Variants in DIP2A observed in about 807,000 individuals in gnomAD.
DIP2A encodes DIP2 acetate--CoA ligase A.
Under a neutral mutation model 177.4 loss-of-function variants are expected in DIP2A, and 85 were observed. The ratio of observed to expected loss-of-function variants is 0.48; its 90% CI spans 0.40 to 0.57. The LOEUF is 0.57. DIP2A is among the 20% of genes least tolerant of loss of function. The probability of loss-of-function intolerance (pLI) is 0.00; values close to 1 mark genes in which losing one functional copy is unlikely to be tolerated. For missense variants in DIP2A, 1,791 were observed against 2,100.2 expected (o/e 0.85, Z 2.88); for synonymous variants, 886 against 881.8 (o/e 1.00, Z -0.08).
At chr21:46,515,682 A>G (rs1388796274) in intron 8 of DIP2A, among the ~76,000 whole-genome samples, 1 of 151,942 alleles carries the variant, frequency 6.6e-6, no homozygotes, top group East Asian at 1.9e-4. Flanking sequence ...GACCACAGGC[A>G]CACACCATCA....
At chr21:46,517,454 C>T (rs997221771) in intron 8 of DIP2A, among the ~76,000 whole-genome samples, 2 of 151,780 alleles carry the variant, frequency 1.3e-5, no homozygotes, top group African/African-American at 4.8e-5. Flanking sequence ...TTAAGAGAAA[C>T]CTCTTTCCCC....
At chr21:46,482,069 A>C (rs1466860269) in intron 1 of DIP2A, among the ~76,000 whole-genome samples, 1 of 152,170 alleles carries the variant, frequency 6.6e-6, no homozygotes, top group African/African-American at 2.4e-5. Context: ...AAACAAAAAC[A>C]AAAAACAGTA....
chr21:46,550,512 G>T (rs772845845), intron 22 of DIP2A, 31 bp from the exon 23 acceptor site: 3 of 1,594,562 alleles, frequency 1.9e-6, no homozygotes, highest in Admixed American at 1.8e-5. Flanking sequence ...CAAGTTGGGG[G>T]CCTGTGCCAA....
the DIP2A span, among the ~76,000 whole-genome samples, chr21:46,577,311 G>A: frequency 6.6e-6 from 1 of 152,118 alleles, no homozygotes; most frequent in Admixed American, 6.5e-5. Context: ...TTTTGTATAA[G>A]GTGTAAGGAA....
At position 46,569,545 on chromosome 21, in the gene DIP2A, T is replaced by C. The variant is rs1369746984; in HGVS notation, c.*1923T>C. On this transcript the variant is annotated 3_prime_UTR_variant, in exon 38 of 38. Transcript: ENST00000417564. ...GTTGTAGTTTTATAGCAAACAAAAA[T>C]TGTCAGCTTTTTGTATTGAAAGGTC... 2.0e-5 allele frequency: 3 copies of C among 151,728 alleles called. No individual in the cohort carries two copies. Among genetic ancestry groups the C allele is most frequent in the Non-Finnish European group, 4.4e-5 (3 of 67,950 alleles). The allele number at this position is 151,728 out of a possible 1,614,324, so 9.4% of individuals were successfully genotyped here. A position where few individuals can be genotyped will look rare whatever the true frequency, so the allele number is the denominator to read the frequency against.
chr21:46,476,127 T>C (rs927265109), intron 1 of DIP2A, among the ~76,000 whole-genome samples: 1 of 151,186 alleles, frequency 6.6e-6, no homozygotes, highest in African/African-American at 2.4e-5. Flanking sequence ...GCACCTGTAG[T>C]CCCAGCTACT....
In DIP2A at chr21:46,514,741, G is replaced by A. The variant is rs2058492602; in HGVS notation, c.1102+3127G>A. On this transcript the variant is annotated intron_variant, in intron 8 of 37. Coordinates refer to ENST00000417564, the MANE Select transcript of DIP2A (RefSeq NM_015151.4). ...TGCCTGTTTTTCCATCTGAGGAAAA[G>A]CCTGTGGTAATTAAGTATGATGTGT... Among the ~76,000 whole-genome samples, 4 of 139,482 alleles carry A rather than the reference G, an allele frequency of 2.9e-5. No individual in the cohort carries two copies. The South Asian group carries it at 9.3e-4, about 33-fold the overall frequency. The allele number at this position is 139,482 out of a possible 152,430, so 91.5% of individuals were successfully genotyped here.
the DIP2A span, among the ~76,000 whole-genome samples, chr21:46,575,658 A>G: frequency 9.2e-5 from 14 of 152,228 alleles, no homozygotes; most frequent in African/African-American, 3.4e-4. Flanking sequence ...TCCATTGACA[A>G]TAGCATCAAA....
At chr21:46,542,884 C>G (rs1018598753) in intron 18 of DIP2A, among the ~76,000 whole-genome samples, 1 of 152,250 alleles carries the variant, frequency 6.6e-6, no homozygotes, top group Non-Finnish European at 1.5e-5. Flanking sequence ...CTGCCTCTTG[C>G]AGGCGGCTGT....
chr21:46,473,350 CTATT>C (rs2055561798), intron 1 of DIP2A, among the ~76,000 whole-genome samples: 1 of 150,940 alleles, frequency 6.6e-6, no homozygotes, highest in Non-Finnish European at 1.5e-5. Context: ...GTAATCCCAA[CTATT>C]TGATAGGCCG....
At chr21:46,462,119 G>A (rs540824567) in intron 1 of DIP2A, among the ~76,000 whole-genome samples, 4 of 152,304 alleles carry the variant, frequency 2.6e-5, no homozygotes, top group African/African-American at 7.2e-5. Flanking sequence ...TGGAAGCTCT[G>A]GCTTCTTGGC....
intron 1 of DIP2A, among the ~76,000 whole-genome samples, chr21:46,477,862 C>T (rs956466719): frequency 6.6e-6 from 1 of 151,848 alleles, no homozygotes; most frequent in African/African-American, 2.4e-5. Flanking sequence ...GGGATACAGG[C>T]GTGAGCCACC....
rs1222039288 is a variant in DIP2A, at chr21:46,537,231, A to G, written c.1650A>G (p.Thr550=). The G allele has an allele frequency of 1.2e-6, 2 of 1,614,054 alleles. No homozygotes were observed. The highest frequency in any genetic ancestry group is 1.3e-5 in the African/African-American group (1 of 75,058). ...TTCTTTGTCCACTTGCAGCTGAAACATTAACAAACGTGCTGGATTTCAAAA... is the reference window on the plus strand; with the variant it reads ...TTCTTTGTCCACTTGCAGCTGAAACGTTAACAAACGTGCTGGATTTCAAAA... ...TQACGYSEAE[T]LTNVLDFKRD... is the part of the protein sequence containing the mutation. Residue 550 remains threonine (T), a synonymous_variant, in exon 14 of 38, where the codon ACA becomes ACG. Transcript: ENST00000417564. This position sits in a 1 kb window ranked among gnomAD's most constrained non-coding sequence, Gnocchi z 4.1.
chr21:46,574,814 A>G (rs968571711), downstream of DIP2A, among the ~76,000 whole-genome samples: 1 of 152,174 alleles, frequency 6.6e-6, no homozygotes, highest in African/African-American at 2.4e-5. Flanking sequence ...TAAAAGATCT[A>G]TTGACAAAAA....
chr21:46,510,756 G>A lies in DIP2A; in HGVS notation c.905-661G>A, dbSNP rs577426064. The stretch of plus-strand genomic sequence containing the variant: ...CGCCATTCTCCTGCCTCAGCCTCCC[G>A]AGTAGCTGGTACTACAGGCGTCCAC... On this transcript the variant is annotated intron_variant, in intron 7 of 37. Transcript: ENST00000417564. 8.0e-5 allele frequency among the ~76,000 whole-genome samples: 12 copies of A among 149,418 alleles called. No individual in the cohort carries two copies. The East Asian group carries it at 1.0e-3, about 12-fold the overall frequency.
intron 13 of DIP2A, among the ~76,000 whole-genome samples, chr21:46,535,487 A>C (rs1002915154): frequency 6.6e-6 from 1 of 152,166 alleles, no homozygotes; most frequent in Non-Finnish European, 1.5e-5. Flanking sequence ...TGGTAGGCTA[A>C]AGCAGGAGGA....
chr21:46,545,178 T>C lies in DIP2A; in HGVS notation c.2218T>C (p.Cys740Arg). 1 of 1,609,254 alleles carries C rather than the reference T, an allele frequency of 6.2e-7. No individual in the cohort carries two copies. Among genetic ancestry groups the C allele is most frequent in the African/African-American group, 1.3e-5 (1 of 75,004 alleles). Reference sequence around the variant, plus strand: ...GAAGTTAGAAGGTACCCCTTATCTTTGTAAAACTGATGAAGTGGGAGAAAT... The same window carrying C: ...GAAGTTAGAAGGTACCCCTTATCTTCGTAAAACTGATGAAGTGGGAGAAAT... ...VVKLEGTPYL[C>R]KTDEVGEICV... is the part of the protein sequence containing the mutation. Residue 740 changes from cysteine (C) to arginine (R), a missense_variant, in exon 19 of 38, where the codon TGT becomes CGT. Cys to Arg is a radical substitution (Grantham distance 180). Transcript: ENST00000417564.
Position 46,490,465 on chromosome 21 carries a change from A to G in DIP2A, c.164-135A>G, listed in dbSNP as rs995477601. ...AACCCACAGCATTTATGCGTCTATC[A>G]CTGACTTCCAGATTAAAGGCTCTTT... On this transcript the variant is annotated intron_variant, in intron 2 of 37. Coordinates refer to ENST00000417564, the MANE Select transcript of DIP2A (RefSeq NM_015151.4). 2.8e-6 allele frequency: 3 copies of G among 1,089,250 alleles called. No individual in the cohort carries two copies. The East Asian group carries it at 8.1e-5, about 30-fold the overall frequency. 67.5% of individuals were successfully genotyped at this position (1,089,250 alleles called of 1,614,324 possible).
At chr21:46,535,633 G>A (rs963219706) in intron 13 of DIP2A, among the ~76,000 whole-genome samples, 2 of 152,198 alleles carry the variant, frequency 1.3e-5, no homozygotes, top group African/African-American at 2.4e-5. Flanking sequence ...GGTATAAGTT[G>A]AGGGCACAGC....
Sources: allele counts gnomAD v4.1 joint callset (sites outside exome capture counted in the v4.1 genomes callset), GRCh38; gene constraint gnomAD v4.1.1; non-coding constraint Gnocchi (gnomAD v3.1); transcripts MANE v1.5; gene names NCBI Gene and HGNC (gene_info 2026-07-23, HGNC 2026-07-21).